Variants in ERBB4 observed in about 807,000 individuals in gnomAD.
ERBB4 encodes erb-b2 receptor tyrosine kinase 4.
Under a neutral mutation model 158.0 loss-of-function variants are expected in ERBB4, and 42 were observed. The ratio of observed to expected loss-of-function variants is 0.27; its 90% CI spans 0.21 to 0.34. The LOEUF (loss-of-function observed/expected upper bound fraction) is 0.34, where lower values mean the gene tolerates loss of function less well. ERBB4 is among the 10% of genes least tolerant of loss of function. The probability of loss-of-function intolerance (pLI) is 1.00; values close to 1 mark genes in which losing one functional copy is unlikely to be tolerated. For missense variants in ERBB4, 1,333 were observed against 1,624.1 expected (o/e 0.82, Z 3.08); for synonymous variants, 583 against 558.7 (o/e 1.04, Z -0.61).
chr2:212,466,058 G>C (rs943347262), intron 1 of ERBB4, among the ~76,000 whole-genome samples: 1 of 152,112 alleles, frequency 6.6e-6, no homozygotes, highest in African/African-American at 2.4e-5. Context: ...TTAAAATTTT[G>C]CAAGACACTT....
intron 1 of ERBB4, among the ~76,000 whole-genome samples, chr2:212,435,411 C>T (rs2092116385): frequency 6.6e-6 from 1 of 151,880 alleles, no homozygotes; most frequent in Non-Finnish European, 1.5e-5. Context: ...CTGGGCAACA[C>T]TTGTAGAGAG....
At chr2:212,204,911 C>G (rs965188988) in intron 1 of ERBB4, among the ~76,000 whole-genome samples, 3 of 150,562 alleles carry the variant, frequency 2.0e-5, no homozygotes, top group African/African-American at 7.3e-5. Flanking sequence ...CTCTGCCTCC[C>G]GGGTTCAAAC....
intron 3 of ERBB4, among the ~76,000 whole-genome samples, chr2:211,882,764 T>G (rs146501724): frequency 9.3e-4 from 141 of 152,352 alleles, no homozygotes; most frequent in Non-Finnish European, 1.8e-3. Context: ...GTCAGGCTTA[T>G]AATTGCTACA....
At chr2:211,586,120 A>C (rs1285293759) in intron 19 of ERBB4, among the ~76,000 whole-genome samples, 1 of 152,204 alleles carries the variant, frequency 6.6e-6, no homozygotes, top group Non-Finnish European at 1.5e-5. Context: ...ATGCAAAATT[A>C]AAATTCTAAG....
At chr2:212,459,963 G>A (rs1432682128) in intron 1 of ERBB4, among the ~76,000 whole-genome samples, 1 of 152,134 alleles carries the variant, frequency 6.6e-6, no homozygotes, top group Non-Finnish European at 1.5e-5. Context: ...GAATTCACAT[G>A]TGTTGTGGGA....
intron 2 of ERBB4, among the ~76,000 whole-genome samples, chr2:212,059,231 C>G (rs1326009123): frequency 6.6e-6 from 1 of 152,128 alleles, no homozygotes; most frequent in East Asian, 1.9e-4. Flanking sequence ...ATCCAACTTA[C>G]AAGGGATGTG....
At position 211,850,636 on chromosome 2, in the gene ERBB4, G is replaced by A. The variant is rs566033749; in HGVS notation, c.422-62477C>T. Reference sequence around the variant, plus strand: ...GATGGTGGAAATATTCATTTCAGCTGGGGGAGCTGTCATGTATGATTAGAA... The same window carrying A: ...GATGGTGGAAATATTCATTTCAGCTAGGGGAGCTGTCATGTATGATTAGAA... On this transcript the variant is annotated intron_variant, in intron 3 of 27. Transcript: ENST00000342788. Among the ~76,000 whole-genome samples, 101 of 151,930 alleles carry A rather than the reference G, an allele frequency of 6.6e-4. 1 individual carries two copies. The South Asian group carries it at 0.014, about 22-fold the overall frequency.
intron 5 of ERBB4, 115 bp from the exon 6 acceptor site, chr2:211,725,309 T>TAATG: frequency 1.2e-6 from 1 of 814,970 alleles, no homozygotes; most frequent in East Asian, 2.4e-5. Flanking sequence ...AGCAAACATT[T>TAATG]AATGAATGAG....
chr2:211,745,205 G>A (rs565615875), intron 5 of ERBB4, among the ~76,000 whole-genome samples: 1 of 152,222 alleles, frequency 6.6e-6, no homozygotes, highest in African/African-American at 2.4e-5. Flanking sequence ...AATGAATCGT[G>A]TGTTACAACT....
intron 2 of ERBB4, among the ~76,000 whole-genome samples, chr2:212,047,639 A>ATT (rs377248079): frequency 0.013 from 1,698 of 135,562 alleles, 13 homozygotes; most frequent in Middle Eastern, 0.019. Context: ...CACTTGGCTA[A>ATT]TTTTTTTTTT....
chr2:211,994,864 A>AAC (rs1240521968), intron 2 of ERBB4, among the ~76,000 whole-genome samples: 1 of 152,198 alleles, frequency 6.6e-6, no homozygotes, highest in African/African-American at 2.4e-5. Context: ...ATTTTGCAAA[A>AAC]ACACACTCCC....
chr2:211,772,942 T>C (rs1467606307), intron 4 of ERBB4, among the ~76,000 whole-genome samples: 68 of 89,054 alleles, frequency 7.6e-4, no homozygotes, highest in East Asian at 1.9e-3. Context: ...TATATATATA[T>C]ATATATATAT....
At chr2:212,174,821 G>T (rs2081612724) in intron 1 of ERBB4, among the ~76,000 whole-genome samples, 1 of 151,944 alleles carries the variant, frequency 6.6e-6, no homozygotes, top group South Asian at 2.1e-4. Flanking sequence ...CTCTCTTAAA[G>T]AATTTAAATT....
At chr2:212,486,943 T>A (rs1195955663) in intron 1 of ERBB4, among the ~76,000 whole-genome samples, 1 of 152,148 alleles carries the variant, frequency 6.6e-6, no homozygotes, top group Non-Finnish European at 1.5e-5. Flanking sequence ...AAATAACATT[T>A]TAAAACACAA....
At chr2:212,510,260 A>C (rs1691444804) in intron 1 of ERBB4, among the ~76,000 whole-genome samples, 1 of 146,788 alleles carries the variant, frequency 6.8e-6, no homozygotes, top group Admixed American at 6.8e-5. Context: ...GTATTCATAC[A>C]ACAACTTGAG....
chr2:212,159,441 T>G (rs1394416071), intron 1 of ERBB4, among the ~76,000 whole-genome samples: 2 of 152,026 alleles, frequency 1.3e-5, no homozygotes, highest in East Asian at 3.9e-4. Flanking sequence ...AAACAGATTT[T>G]ACATTCGTAT....
chr2:212,238,866 G>A (rs2083978505), intron 1 of ERBB4, among the ~76,000 whole-genome samples: 1 of 151,782 alleles, frequency 6.6e-6, no homozygotes, highest in Admixed American at 6.6e-5. Context: ...ATGGCTTAAA[G>A]AATCTGAAAT....
intron 20 of ERBB4, among the ~76,000 whole-genome samples, chr2:211,518,133 G>A (rs867498849): frequency 6.6e-5 from 10 of 151,974 alleles, no homozygotes; most frequent in South Asian, 2.1e-4. Context: ...GACTAAGGAC[G>A]TGAGGTCTGG....
At chr2:212,258,524 A>G (rs1049362435) in intron 1 of ERBB4, among the ~76,000 whole-genome samples, 2 of 150,890 alleles carry the variant, frequency 1.3e-5, no homozygotes, top group African/African-American at 4.8e-5. Context: ...TTTAAAAAAT[A>G]TATTGGTAAT....
Sources: allele counts gnomAD v4.1 joint callset (sites outside exome capture counted in the v4.1 genomes callset), GRCh38; gene constraint gnomAD v4.1.1; transcripts MANE v1.5; gene names NCBI Gene and HGNC (gene_info 2026-07-23, HGNC 2026-07-21).